The following EEFSEC variants were observed in gnomAD, a reference collection of about 807,000 sequenced individuals.
EEFSEC encodes the protein eukaryotic elongation factor, selenocysteine-tRNA specific.
A neutral mutation model predicts 42.1 loss-of-function variants in EEFSEC; 43 were observed. That is an observed-to-expected ratio of 1.02 (90% CI 0.80 to 1.32). The LOEUF is 1.32. EEFSEC is among the 40% of genes most tolerant of loss of function. The pLI is 0.00. For missense variants in EEFSEC, 745 were observed against 803.6 expected, an observed-to-expected ratio of 0.93 and a Z score of 0.88; for synonymous variants, 354 against 339.1, an observed-to-expected ratio of 1.04 and a Z score of -0.48.
At chr3:128,270,785 G>A (rs2066405218) in intron 4 of EEFSEC, among the ~76,000 whole-genome samples, 1 of 152,140 alleles carries the variant, frequency 6.6e-6, no homozygotes, top group South Asian at 2.1e-4. Flanking sequence ...GAGCCCTTCC[G>A]GGCTTTCCCC....
chr3:128,287,319 T>C (rs1351610057), intron 4 of EEFSEC, among the ~76,000 whole-genome samples: 1 of 150,244 alleles, frequency 6.7e-6, no homozygotes, highest in Admixed American at 6.6e-5. Flanking sequence ...TGTGCAGCCA[T>C]GGGGGGAGGA....
chr3:128,339,067 G>A (rs1389676549), intron 4 of EEFSEC, among the ~76,000 whole-genome samples: 1 of 152,160 alleles, frequency 6.6e-6, no homozygotes, highest in Non-Finnish European at 1.5e-5. Context: ...CTTAGTGTAA[G>A]GTGATATTCT....
intron 4 of EEFSEC, among the ~76,000 whole-genome samples, chr3:128,318,774 G>A (rs753004087): frequency 2.0e-5 from 3 of 152,252 alleles, no homozygotes; most frequent in African/African-American, 4.8e-5. Context: ...CTGAGTGGCC[G>A]TGTACTAACA....
intron 4 of EEFSEC, among the ~76,000 whole-genome samples, chr3:128,278,747 C>G (rs899619587): frequency 2.6e-5 from 4 of 152,178 alleles, no homozygotes; most frequent in Admixed American, 6.5e-5. Flanking sequence ...GTGAAAGGGT[C>G]TGAGTGGCTC....
chr3:128,371,637 A>G (rs1295944188), intron 6 of EEFSEC, among the ~76,000 whole-genome samples: 1 of 152,100 alleles, frequency 6.6e-6, no homozygotes, highest in Non-Finnish European at 1.5e-5. Context: ...CAGTGGGCAC[A>G]TGGGGAGGAG....
intron 5 of EEFSEC, among the ~76,000 whole-genome samples, chr3:128,345,378 T>C (rs962794408): frequency 1.9e-4 from 29 of 152,120 alleles, no homozygotes; most frequent in African/African-American, 6.7e-4. Flanking sequence ...GCCACACAGT[T>C]TTGGTTGAAG....
At chr3:128,403,552 C>G (rs1485537839) in intron 6 of EEFSEC, among the ~76,000 whole-genome samples, 2 of 152,200 alleles carry the variant, frequency 1.3e-5, no homozygotes, top group African/African-American at 4.8e-5. Context: ...CGCCTTCCCG[C>G]GTACTCTGAC....
chr3:128,233,776 T>G (rs2065981808), intron 1 of EEFSEC, among the ~76,000 whole-genome samples: 2 of 152,154 alleles, frequency 1.3e-5, no homozygotes, highest in Non-Finnish European at 2.9e-5. Flanking sequence ...AGTTCTCCTG[T>G]TGAGTTGGAG....
intron 1 of EEFSEC, among the ~76,000 whole-genome samples, chr3:128,219,784 AAAG>A (rs2065844751): frequency 6.6e-6 from 1 of 151,966 alleles, no homozygotes; most frequent in Non-Finnish European, 1.5e-5. Context: ...GAAAAAAAAA[AAAG>A]AAAAAAACTC....
intron 4 of EEFSEC, among the ~76,000 whole-genome samples, chr3:128,297,715 G>T (rs2107997285): frequency 6.6e-6 from 1 of 152,178 alleles, no homozygotes; most frequent in South Asian, 2.1e-4. Context: ...GTTCCCACTG[G>T]CTCTCCCATG....
intron 4 of EEFSEC, among the ~76,000 whole-genome samples, chr3:128,280,862 A>C (rs2066518448): frequency 6.7e-6 from 1 of 150,094 alleles, no homozygotes; most frequent in Non-Finnish European, 1.5e-5. Flanking sequence ...TCTCCTACTC[A>C]CTGTTTTTTT....
At chr3:128,365,900 G>A (rs1271561038) in intron 6 of EEFSEC, among the ~76,000 whole-genome samples, 1 of 152,190 alleles carries the variant, frequency 6.6e-6, no homozygotes, top group Admixed American at 6.5e-5. Flanking sequence ...CAGATGCCCC[G>A]CTTTGCCTCA....
intron 4 of EEFSEC, among the ~76,000 whole-genome samples, chr3:128,265,932 G>A (rs957795677): frequency 2.6e-5 from 4 of 152,178 alleles, no homozygotes; most frequent in Non-Finnish European, 5.9e-5. Context: ...AGTATTAGAT[G>A]CAGATAGATA....
At chr3:128,218,994 C>T (rs1439516520) in intron 1 of EEFSEC, among the ~76,000 whole-genome samples, 1 of 152,228 alleles carries the variant, frequency 6.6e-6, no homozygotes, top group Non-Finnish European at 1.5e-5. Context: ...CGTCAGGAAG[C>T]TCACGGTGCA....
At chr3:128,210,506 C>T (rs1028838115) in intron 1 of EEFSEC, among the ~76,000 whole-genome samples, 4 of 152,078 alleles carry the variant, frequency 2.6e-5, no homozygotes, top group Non-Finnish European at 5.9e-5. Context: ...TTTCCTTTTT[C>T]GACGGTGAAA....
intron 4 of EEFSEC, among the ~76,000 whole-genome samples, chr3:128,299,130 T>C (rs1042877981): frequency 2.6e-5 from 4 of 152,240 alleles, no homozygotes; most frequent in Non-Finnish European, 5.9e-5. Flanking sequence ...TTTTACTTTT[T>C]TGAGGAACCT....
chr3:128,181,086 G>T (rs1172846751), intron 1 of EEFSEC, among the ~76,000 whole-genome samples: 1 of 152,150 alleles, frequency 6.6e-6, no homozygotes, highest in Non-Finnish European at 1.5e-5. Context: ...GGGCACTTCA[G>T]GACATGGATG....
intron 4 of EEFSEC, among the ~76,000 whole-genome samples, chr3:128,332,880 A>G (rs1332061622): frequency 6.6e-6 from 1 of 152,242 alleles, no homozygotes; most frequent in Non-Finnish European, 1.5e-5. Flanking sequence ...TAGGTCGAAG[A>G]AGAGGGAGAA....
In EEFSEC at chr3:128,341,170, C is replaced by G. The variant is rs1157661599; in HGVS notation, c.787-63C>G. On this transcript the variant is annotated intron_variant, in intron 4 of 6. Coordinates refer to ENST00000254730, the MANE Select transcript of EEFSEC (RefSeq NM_021937.5). ...ACAGGATTCTCTAGCTGCAGCTCCC[C>G]TCTCCTCCCCACAGCCCCGAGGCTT... 5.9e-6 allele frequency: 9 copies of G among 1,530,326 alleles called. No homozygotes were observed. The Admixed American group carries it at 1.8e-4, about 30-fold the overall frequency. 94.8% of individuals were successfully genotyped at this position (1,530,326 alleles called of 1,614,324 possible).
Sources: gnomAD v4.1 joint callset for allele counts (sites outside exome capture counted in the v4.1 genomes callset) on GRCh38, gnomAD v4.1.1 for gene constraint, MANE v1.5 for transcripts, NCBI Gene and HGNC (gene_info 2026-07-23, HGNC 2026-07-21) for gene names.